The following KMT2C variants were observed in gnomAD, a reference collection of about 807,000 sequenced individuals.
KMT2C encodes the protein histone-lysine N-methyltransferase 2C.
KMT2C carries 88 observed loss-of-function variants against 507.9 expected under a neutral mutation model. The ratio of observed to expected loss-of-function variants is 0.17; its 90% CI spans 0.15 to 0.21. KMT2C has a LOEUF of 0.21. KMT2C is among the 10% of genes least tolerant of loss of function. The pLI, the probability that KMT2C is intolerant of heterozygous loss-of-function variation, is 1.00. For missense variants in KMT2C, 4,954 were observed against 5,957.8 expected (o/e 0.83, Z 5.55); for synonymous variants, 2,049 against 2,080.8 (o/e 0.98, Z 0.42).
intron 3 of KMT2C, among the ~76,000 whole-genome samples, chr7:152,327,237 T>A (rs890241547): frequency 1.3e-5 from 2 of 152,242 alleles, no homozygotes; most frequent in African/African-American, 4.8e-5. Context: ...TGATAGGCCA[T>A]GATTATTATA....
chr7:152,316,118 A>C (rs1314980612), intron 3 of KMT2C, among the ~76,000 whole-genome samples: 1 of 152,096 alleles, frequency 6.6e-6, no homozygotes, highest in Non-Finnish European at 1.5e-5. Context: ...TCCTGGGTTG[A>C]GTGGTAGTAG....
At position 152,181,976 on chromosome 7, in the gene KMT2C, G is replaced by A. The variant is rs965807663; in HGVS notation, c.5884C>T (p.Pro1962Ser). 8 of 1,614,008 alleles carry A rather than the reference G, an allele frequency of 5.0e-6. No individual in the cohort carries two copies. Among genetic ancestry groups the A allele is most frequent in the Middle Eastern group, 3.3e-4 (2 of 6,084 alleles). The change falls in exon 36 of 59, where the codon CCC becomes TCC. Residue 1962 changes from proline to serine, a missense_variant. Pro to Ser is a moderately conservative substitution (Grantham distance 74). This residue lies in a region of KMT2C where 1,689 missense variants were observed against 1,654.3 expected (regional missense o/e 1.02). Coordinates refer to ENST00000262189, the MANE Select transcript of KMT2C (RefSeq NM_170606.3). Reference sequence around the variant, plus strand: ...GGTGTGTCTGGAGGTTTTGCATAGGGGTCATTATTTGTCGTGGAAGAAGAA... The same window carrying A: ...GGTGTGTCTGGAGGTTTTGCATAGGAGTCATTATTTGTCGTGGAAGAAGAA... ...LCSSSTTNND[P>S]YAKPPDTPRP...
chr7:152,187,290 A>G lies in KMT2C; in HGVS notation c.4980T>C (p.Asn1660=), dbSNP rs2129124534. Residue 1660 remains asparagine, a synonymous_variant, in exon 33 of 59, where the codon AAT becomes AAC. Coordinates refer to ENST00000262189, the MANE Select transcript of KMT2C (RefSeq NM_170606.3). ...TVAPVLYTNI[N]FPNLKEEFPD... ...GGAATTCTTCCTTTAAGTTGGGGAA[A>G]TTAATATTGGTGTAGAGAACTGGGG... 6.2e-7 allele frequency: 1 copy of G among 1,614,028 alleles called. No homozygotes were observed.
In KMT2C at chr7:152,138,827, C is replaced by G. The variant is rs746423251; in HGVS notation, c.14612G>C (p.Ser4871Thr). The part of the protein sequence containing the change: ...TFERGHKIII[S>T]SSRRIQKGEE... ...TCCTTTCTGGATTCTCCGACTGGAG[C>G]TGATGATAATTTTGTGTCCTCTCTC... The change falls in exon 58 of 59, where the codon AGC (serine) becomes ACC (threonine). Residue 4871 changes from serine (S) to threonine (T), a missense_variant. Transcript: ENST00000262189. This position sits in a 1 kb window ranked among gnomAD's most constrained non-coding sequence, Gnocchi z 4.2. The G allele has an allele frequency of 6.2e-7, 1 of 1,610,502 alleles. No homozygotes were observed. The highest frequency in any genetic ancestry group is 1.1e-5 in the South Asian group (1 of 90,108).
intron 35 of KMT2C, 148 bp from the exon 36 acceptor site, chr7:152,182,742 G>A (rs2093474523): frequency 1.3e-6 from 1 of 791,290 alleles, no homozygotes; most frequent in Non-Finnish European, 2.0e-6. Flanking sequence ...CTGAAGAAGA[G>A]AAATTACTCA....
Position 152,138,667 on chromosome 7 carries a change from G to A in KMT2C, c.14643+129C>T, listed in dbSNP as rs1483058182. 3.2e-6 allele frequency: 2 copies of A among 630,198 alleles called. No homozygotes were observed. Among genetic ancestry groups the A allele is most frequent in the Non-Finnish European group, 5.6e-6 (2 of 356,478 alleles). 39.0% of individuals were successfully genotyped at this position (630,198 alleles called of 1,614,324 possible). On this transcript the variant is annotated intron_variant, in intron 58 of 58. Coordinates refer to ENST00000262189, the MANE Select transcript of KMT2C (RefSeq NM_170606.3). The surrounding 1 kb of genome is among the most constrained non-coding windows in gnomAD (Gnocchi z 4.2). ...AGATACTGCAGGGTGGGAACATCTG[G>A]CCTATTATGGACAGAGTTTTTATCA...
In KMT2C at chr7:152,252,062, T is replaced by C. The variant is rs1175148134; in HGVS notation, c.1498A>G (p.Thr500Ala). The change falls in exon 11 of 59, where the codon ACA (threonine) becomes GCA (alanine). Residue 500 changes from threonine (T) to alanine (A), a missense_variant. Thr to Ala is a moderately conservative substitution (Grantham distance 58). Transcript: ENST00000262189. ...AGCTGAGTATCCAGTTCATGATCTGTTGGTTTGTCACACTCTAGGTGAACC... is the reference window on the plus strand; with the variant it reads ...AGCTGAGTATCCAGTTCATGATCTGCTGGTTTGTCACACTCTAGGTGAACC... ...RWVHLECDKPTDHELDTQLKE... is the reference protein window; with the variant it reads ...RWVHLECDKPADHELDTQLKE... The C allele has an allele frequency of 1.9e-6, 3 of 1,611,572 alleles. No homozygotes were observed. The highest frequency in any genetic ancestry group is 2.2e-5 in the East Asian group (1 of 44,816).
Position 152,148,837 on chromosome 7 carries a change from T to C in KMT2C, c.13090A>G (p.Ile4364Val). Reference protein sequence around the residue: ...GMKWKKWSIHIVIPKGTFKPP... With the variant: ...GMKWKKWSIHVVIPKGTFKPP... ...TTAAATGTCCCCTTAGGGATTACAA[T>C]ATGAATGCTCCACTTCTTCCATTTC... Residue 4364 changes from isoleucine (I) to valine (V), a missense_variant, in exon 52 of 59, where the codon ATT becomes GTT. This residue lies in a region of KMT2C where 417 missense variants were observed against 461.1 expected (regional missense o/e 0.90). Transcript: ENST00000262189. This position sits in a 1 kb window ranked among gnomAD's most constrained non-coding sequence, Gnocchi z 7.1. 1 of 1,614,252 alleles carries C rather than the reference T, an allele frequency of 6.2e-7. No homozygotes were observed. Among genetic ancestry groups the C allele is most frequent in the Non-Finnish European group, 8.5e-7 (1 of 1,180,036 alleles).
At chr7:152,301,237 G>C (rs1254336343) in intron 6 of KMT2C, among the ~76,000 whole-genome samples, 2 of 150,850 alleles carry the variant, frequency 1.3e-5, no homozygotes, top group African/African-American at 4.9e-5. Flanking sequence ...GGGTGTGATG[G>C]ATCACACCTG....
chr7:152,382,008 A>T (rs1239022497), intron 1 of KMT2C, among the ~76,000 whole-genome samples: 1 of 152,260 alleles, frequency 6.6e-6, no homozygotes, highest in Non-Finnish European at 1.5e-5. Flanking sequence ...TCACCTGCTC[A>T]AAAGTCCATA....
chr7:152,339,942 G>A (rs897491652), intron 2 of KMT2C, among the ~76,000 whole-genome samples: 1 of 151,702 alleles, frequency 6.6e-6, no homozygotes, highest in Non-Finnish European at 1.5e-5. Context: ...ATTCATTATC[G>A]ACTAGTTATC....
chr7:152,230,112 A>C (rs1334164364), intron 17 of KMT2C, 85 bp from the exon 18 acceptor site: 1 of 889,134 alleles, frequency 1.1e-6, no homozygotes, highest in East Asian at 2.4e-5. Context: ...CTTCTTAACT[A>C]ATATAGCTCT....
chr7:152,249,721 T>G (rs73161898), intron 13 of KMT2C, among the ~76,000 whole-genome samples, 155 bp downstream of exon 13: 1 of 145,570 alleles, frequency 6.9e-6, no homozygotes, highest in Non-Finnish European at 1.5e-5. Context: ...AAACTAACCT[T>G]CTTTAGATCC....
rs150192787 is a variant in KMT2C at position 152,154,047 on chromosome 7, A to G, written c.12239T>C (p.Ile4080Thr). ...AGGATGCAGAGTAATTGCTACAGATATAAGACCTGATCTGGGACCATTTGG... is the reference window on the plus strand; with the variant it reads ...AGGATGCAGAGTAATTGCTACAGATGTAAGACCTGATCTGGGACCATTTGG... ...PSPNGPRSGL[I>T]SVAITLHPTA... The change falls in exon 48 of 59, where the codon ATA becomes ACA. Residue 4080 changes from isoleucine to threonine, a missense_variant. Around this residue, in one of 29 missense-constraint regions of KMT2C, gnomAD observed 417 missense variants for 461.1 expected, o/e 0.90. Coordinates refer to ENST00000262189, the MANE Select transcript of KMT2C (RefSeq NM_170606.3). 3.0e-4 allele frequency: 482 copies of G among 1,614,056 alleles called. 6 individuals carry two copies. Among genetic ancestry groups the G allele is most frequent in the Middle Eastern group, 8.2e-4 (5 of 6,084 alleles).
At chr7:152,329,720 G>A (rs777000767) in intron 3 of KMT2C, among the ~76,000 whole-genome samples, 7 of 151,548 alleles carry the variant, frequency 4.6e-5, no homozygotes, top group African/African-American at 1.7e-4. Flanking sequence ...GGGAAAGAAG[G>A]GAGGGAGACA....
intron 26 of KMT2C, 70 bp downstream of exon 26, chr7:152,202,863 GT>G: frequency 8.0e-7 from 1 of 1,246,946 alleles, no homozygotes; most frequent in Non-Finnish European, 1.1e-6. Context: ...ACAAACCTAT[GT>G]TTTAAAACTC....
rs201762858 is a variant in KMT2C, at chr7:152,163,370, G to A, written c.10207C>T (p.Arg3403Cys). ...ESFQERERKERLREQQERQRI... is the reference protein window; with the variant it reads ...ESFQERERKECLREQQERQRI... Reference sequence around the variant, plus strand: ...TGTCTCTCTTGCTGTTCTCGTAAACGTTCCTTACGTTCCCGTTCTTGAAAA... The same window carrying A: ...TGTCTCTCTTGCTGTTCTCGTAAACATTCCTTACGTTCCCGTTCTTGAAAA... The change falls in exon 43 of 59, where the codon CGT becomes TGT. Residue 3403 changes from arginine to cysteine, a missense_variant. This residue lies in a region of KMT2C where 801 missense variants were observed against 751.2 expected (regional missense o/e 1.07). Coordinates refer to ENST00000262189, the MANE Select transcript of KMT2C (RefSeq NM_170606.3). 1.2e-5 allele frequency: 19 copies of A among 1,614,004 alleles called. No homozygotes were observed. Among genetic ancestry groups the A allele is most frequent in the South Asian group, 2.2e-5 (2 of 91,080 alleles).
At position 152,222,621 on chromosome 7, in the gene KMT2C, T is replaced by G; in HGVS notation, c.3385A>C (p.Ile1129Leu). The G allele has an allele frequency of 6.2e-7, 1 of 1,610,524 alleles. No homozygotes were observed. Among genetic ancestry groups the G allele is most frequent in the Non-Finnish European group, 8.5e-7 (1 of 1,178,596 alleles). Reference sequence around the variant, plus strand: ...CTGCACATGCTACAATCAAAACCAATGTCTGCTACATTTTCCACTTCTTCC... The same window carrying G: ...CTGCACATGCTACAATCAAAACCAAGGTCTGCTACATTTTCCACTTCTTCC... ...TEEEVENVAD[I>L]GFDCSMCRPY... is the part of the protein sequence containing the mutation. The change falls in exon 21 of 59, where the codon ATT (isoleucine) becomes CTT (leucine). Residue 1129 changes from isoleucine (I) to leucine (L), a missense_variant. Ile to Leu is a conservative substitution (Grantham distance 5). Transcript: ENST00000262189.
Position 152,183,085 on chromosome 7 carries a change from C to A in KMT2C, c.5154G>T (p.Arg1718Ser), listed in dbSNP as rs746717777. The change falls in exon 35 of 59, where the codon AGG becomes AGT. Residue 1718 changes from arginine to serine, a missense_variant. Around this residue, in one of 29 missense-constraint regions of KMT2C, gnomAD observed 58 missense variants for 63.3 expected, o/e 0.92. Transcript: ENST00000262189. ...KVQMSNDSMK[R>S]QQQQDSIDPS... Reference sequence around the variant, plus strand: ...GATCAATGCTATCTTGCTGTTGCTGCCTTTTCATGGAATCATTTGACATCT... The same window carrying A: ...GATCAATGCTATCTTGCTGTTGCTGACTTTTCATGGAATCATTTGACATCT... 6.2e-7 allele frequency: 1 copy of A among 1,612,884 alleles called. No homozygotes were observed. The highest frequency in any genetic ancestry group is 8.5e-7 in the Non-Finnish European group (1 of 1,179,450).
Sources: allele counts gnomAD v4.1 joint callset (sites outside exome capture counted in the v4.1 genomes callset), GRCh38; gene constraint gnomAD v4.1.1; regional missense constraint gnomAD v4.1.1; non-coding constraint Gnocchi (gnomAD v3.1); transcripts MANE v1.5; gene names NCBI Gene and HGNC (gene_info 2026-07-23, HGNC 2026-07-21).